ZNF430: variants seen among roughly 807,000 people sequenced by gnomAD.
ZNF430 encodes zinc finger protein 430.
A neutral mutation model predicts 56.7 loss-of-function variants in ZNF430; 35 were observed. The ratio of observed to expected loss-of-function variants is 0.62; its 90% CI spans 0.47 to 0.82. The LOEUF (loss-of-function observed/expected upper bound fraction) is 0.82, where lower values mean the gene tolerates loss of function less well. ZNF430 is among the 40% of genes least tolerant of loss of function. The pLI, the probability that ZNF430 is intolerant of heterozygous loss-of-function variation, is 0.00. For synonymous variants in ZNF430, 212 were observed against 224.3 expected, an observed-to-expected ratio of 0.94 and a Z score of 0.49; for missense variants, 574 against 661.0, an observed-to-expected ratio of 0.87 and a Z score of 1.44.
chr19:21,035,023 C>T (rs1967972802), intron 4 of ZNF430: 1 of 151,886 alleles, frequency 6.6e-6, no homozygotes, highest in Non-Finnish European at 1.5e-5. Context: ...GTTCTTTTTC[C>T]TCACGATTGC....
At chr19:21,026,866 T>C (rs1401606560) in intron 2 of ZNF430, among the ~76,000 whole-genome samples, 2 of 134,142 alleles carry the variant, frequency 1.5e-5, no homozygotes, top group Non-Finnish European at 3.1e-5. Flanking sequence ...AGAGTCTTGC[T>C]CTCGCCAGGC....
At chr19:21,040,753 A>G (rs1377849667) in intron 4 of ZNF430, among the ~76,000 whole-genome samples, 2 of 152,178 alleles carry the variant, frequency 1.3e-5, no homozygotes, top group East Asian at 3.9e-4. Flanking sequence ...GATGTCTACA[A>G]TTATTGTGTT....
chr19:21,055,505 G>A (rs1433456855), intron 4 of ZNF430, among the ~76,000 whole-genome samples: 1 of 151,666 alleles, frequency 6.6e-6, no homozygotes, highest in Non-Finnish European at 1.5e-5. Flanking sequence ...CTGGAGTGCA[G>A]TGGCGCAATC....
chr19:21,039,960 CT>C (rs1968074021), intron 4 of ZNF430, among the ~76,000 whole-genome samples: 1 of 152,088 alleles, frequency 6.6e-6, no homozygotes, highest in Admixed American at 6.6e-5. Context: ...TTTCTTCCTC[CT>C]AAGTAGCTGA....
Position 21,056,781 on chromosome 19 carries a change from A to G in ZNF430, c.473A>G (p.His158Arg). 6.2e-7 allele frequency: 1 copy of G among 1,614,074 alleles called. No homozygotes were observed. The highest frequency in any genetic ancestry group is 8.5e-7 in the Non-Finnish European group (1 of 1,179,984). Reference sequence around the variant, plus strand: ...AAAAGTGTGGATGAGTGTAATCTGCACAAAGAATGTTATGATGAACTAAAC... The same window carrying G: ...AAAAGTGTGGATGAGTGTAATCTGCGCAAAGAATGTTATGATGAACTAAAC... ...GCKSVDECNL[H>R]KECYDELNQC... Residue 158 changes from histidine to arginine, a missense_variant, in exon 5 of 5, where the codon CAC (histidine) becomes CGC (arginine). Physicochemically the swap from His to Arg is conservative, Grantham distance 29 (BLOSUM62 0). Transcript: ENST00000261560.
At chr19:21,033,360 C>A in intron 2 of ZNF430, 96 bp from the exon 3 acceptor site, 1 of 1,459,370 alleles carries the variant, frequency 6.9e-7, no homozygotes, top group Non-Finnish European at 9.2e-7. Flanking sequence ...AGAACCAATT[C>A]TCTTTATTCT....
chr19:21,047,283 C>T (rs1422446517), intron 4 of ZNF430, among the ~76,000 whole-genome samples: 1 of 152,134 alleles, frequency 6.6e-6, no homozygotes, highest in South Asian at 2.1e-4. Context: ...AGAACATACT[C>T]CATTAGCTCA....
rs537539857 is a variant in ZNF430, at chr19:21,021,191, C to T, written c.3+388C>T. Among the ~76,000 whole-genome samples the T allele has an allele frequency of 3.3e-5, 5 of 152,188 alleles. No homozygotes were observed. The East Asian group carries it at 9.7e-4, about 29-fold the overall frequency. On this transcript the variant is annotated intron_variant, in intron 1 of 4. Coordinates refer to ENST00000261560, the MANE Select transcript of ZNF430 (RefSeq NM_025189.4). ...AACTTTGGTCCTGGGTTCCTAGTTC[C>T]TCTTTTCTCCTATTAAAAATGTACA...
chr19:21,045,336 G>T (rs1210270352), intron 4 of ZNF430, among the ~76,000 whole-genome samples: 3 of 152,164 alleles, frequency 2.0e-5, no homozygotes, highest in Non-Finnish European at 4.4e-5. Flanking sequence ...TATTTACCCA[G>T]AAGTCATTCA....
chr19:21,048,007 G>GT (rs1288297124), intron 4 of ZNF430, among the ~76,000 whole-genome samples: 3 of 152,066 alleles, frequency 2.0e-5, no homozygotes, highest in South Asian at 4.2e-4. Context: ...TTGTAGATAA[G>GT]TTTTTTCTCA....
intron 2 of ZNF430, chr19:21,025,902 C>T (rs762548959): frequency 1.0e-5 from 4 of 395,294 alleles, no homozygotes; most frequent in African/African-American, 6.4e-5. Flanking sequence ...TGTCTTTCTG[C>T]AGCCATATCT....
At chr19:21,040,268 A>G (rs1173467314) in intron 4 of ZNF430, among the ~76,000 whole-genome samples, 2 of 152,210 alleles carry the variant, frequency 1.3e-5, no homozygotes, top group Non-Finnish European at 2.9e-5. Flanking sequence ...TCTGTGGTAC[A>G]GTTTGGATGT....
Sources: gnomAD v4.1 joint callset for allele counts (sites outside exome capture counted in the v4.1 genomes callset) on GRCh38, gnomAD v4.1.1 for gene constraint, MANE v1.5 for transcripts, NCBI Gene and HGNC (gene_info 2026-07-23, HGNC 2026-07-21) for gene names.